The following KAT2B variants were observed in gnomAD, a reference collection of about 807,000 sequenced individuals.
KAT2B encodes lysine acetyltransferase 2B.
KAT2B carries 36 observed loss-of-function variants against 105.9 expected under a neutral mutation model. The ratio of observed to expected loss-of-function variants is 0.34; its 90% CI spans 0.26 to 0.45. The LOEUF is 0.45. Ranked by LOEUF, KAT2B falls within the 20% of genes least tolerant of loss-of-function variation. The pLI is 1.00. For synonymous variants in KAT2B, 397 were observed against 377.9 expected (o/e 1.05, Z -0.59); for missense variants, 820 against 1,021.6 (o/e 0.80, Z 2.69).
At chr3:20,058,961 T>A (rs1466034342) in intron 1 of KAT2B, among the ~76,000 whole-genome samples, 1 of 152,130 alleles carries the variant, frequency 6.6e-6, no homozygotes, top group Non-Finnish European at 1.5e-5. Flanking sequence ...TAATCTTCAT[T>A]TTGATGAGAT....
At chr3:20,141,386 T>C (rs1268151607) in intron 13 of KAT2B, among the ~76,000 whole-genome samples, 1 of 151,872 alleles carries the variant, frequency 6.6e-6, no homozygotes, top group African/African-American at 2.4e-5. Flanking sequence ...AAAACACTCA[T>C]GATGAAAAGA....
In KAT2B at chr3:20,111,706, G is replaced by GACAACTCCTGGA; in HGVS notation, c.967_978dup (p.Leu323_Gln326dup). 6.2e-7 allele frequency: 1 copy of GACAACTCCTGGA among 1,613,974 alleles called. No homozygotes were observed. Among genetic ancestry groups the GACAACTCCTGGA allele is most frequent in the Non-Finnish European group, 8.5e-7 (1 of 1,179,936 alleles). On this transcript the variant is annotated inframe_insertion, in exon 6 of 18. Coordinates refer to ENST00000263754, the MANE Select transcript of KAT2B (RefSeq NM_003884.5). The stretch of plus-strand genomic sequence containing the variant: ...CGCTCGGTCTTCACTGTTATGAGGC[G>GACAACTCCTGGA]ACAACTCCTGGAACAAGCAAGACAG...
intron 1 of KAT2B, among the ~76,000 whole-genome samples, chr3:20,043,322 T>C (rs1213878412): frequency 6.6e-6 from 1 of 152,076 alleles, no homozygotes; most frequent in African/African-American, 2.4e-5. Context: ...CCTTCAGGAG[T>C]TACTTATTGT....
chr3:20,060,383 C>T (rs543925177), intron 1 of KAT2B, among the ~76,000 whole-genome samples: 1 of 152,308 alleles, frequency 6.6e-6, no homozygotes, highest in East Asian at 1.9e-4. Flanking sequence ...GGGCGGATCA[C>T]CTGAGGTCGG....
chr3:20,044,991 C>A (rs971423161), intron 1 of KAT2B, among the ~76,000 whole-genome samples: 3 of 152,086 alleles, frequency 2.0e-5, no homozygotes, highest in African/African-American at 7.2e-5. Flanking sequence ...AGGTGTCCCA[C>A]AGATATTGAT....
rs1699904571 is a variant in KAT2B at position 20,153,681 on chromosome 3, GTGAGACATC to G, written c.*1159_*1167del. The G allele has an allele frequency of 6.6e-6, 1 of 152,542 alleles. No homozygotes were observed. The highest frequency in any genetic ancestry group is 2.4e-5 in the African/African-American group (1 of 41,442). The allele number at this position is 152,542 out of a possible 1,614,324, so 9.4% of individuals were successfully genotyped here. Reference sequence around the variant, plus strand: ...TTTCCTGATTACACTACATAGAAAAGTGAGACATCTGCCATTCCCAACTCTGGGAAAACC... The same window carrying G: ...TTTCCTGATTACACTACATAGAAAAGTGCCATTCCCAACTCTGGGAAAACC... On this transcript the variant is annotated 3_prime_UTR_variant, in exon 18 of 18. Transcript: ENST00000263754.
intron 2 of KAT2B, among the ~76,000 whole-genome samples, chr3:20,088,705 C>A (rs1344516879): frequency 6.6e-6 from 1 of 152,112 alleles, no homozygotes; most frequent in Non-Finnish European, 1.5e-5. Flanking sequence ...TCTCTTTACT[C>A]TGTTGATTGT....
chr3:20,045,191 T>G (rs1277502140), intron 1 of KAT2B, among the ~76,000 whole-genome samples: 2 of 151,704 alleles, frequency 1.3e-5, no homozygotes, highest in African/African-American at 4.8e-5. Flanking sequence ...ATTTTTGTAT[T>G]TTTTTTGGTA....
Position 20,078,280 on chromosome 3 carries a change from A to G in KAT2B, c.430+5821A>G, listed in dbSNP as rs188695320. Among the ~76,000 whole-genome samples the G allele has an allele frequency of 1.6e-3, 245 of 152,312 alleles. 1 individual carries two copies. Among genetic ancestry groups the G allele is most frequent in the African/African-American group, 4.6e-3 (191 of 41,562 alleles). ...TGATCAAAACATAATTGGAATTTCT[A>G]TTGTTATTTTGGAGTCCATTGTTCT... On this transcript the variant is annotated intron_variant, in intron 2 of 17. Coordinates refer to ENST00000263754, the MANE Select transcript of KAT2B (RefSeq NM_003884.5).
At chr3:20,114,071 CTTTTCTCTTT>C (rs1343495386) in intron 6 of KAT2B, among the ~76,000 whole-genome samples, 4 of 152,058 alleles carry the variant, frequency 2.6e-5, no homozygotes, top group Admixed American at 6.6e-5. Flanking sequence ...ATCTGTATTT[CTTTTCTCTTT>C]TTTTCTCTTT....
At chr3:20,106,981 A>ATG (rs1699020502) in intron 5 of KAT2B, among the ~76,000 whole-genome samples, 1 of 6,232 alleles carries the variant, frequency 1.6e-4, no homozygotes, top group Non-Finnish European at 2.7e-4. Flanking sequence ...ATATATATGT[A>ATG]TATATATATA....
chr3:20,124,169 A>G (rs1284227459), intron 9 of KAT2B, among the ~76,000 whole-genome samples: 2 of 152,170 alleles, frequency 1.3e-5, no homozygotes, highest in East Asian at 1.9e-4. Context: ...ATTTAGTAAC[A>G]TTACAGATTA....
intron 4 of KAT2B, 145 bp downstream of exon 4, chr3:20,100,099 T>A: frequency 1.7e-6 from 1 of 585,050 alleles, no homozygotes; most frequent in Non-Finnish European, 3.1e-6. Context: ...TCCTGGAGGC[T>A]TTGGATCAGA....
intron 14 of KAT2B, among the ~76,000 whole-genome samples, chr3:20,147,560 A>C (rs568064130): frequency 6.6e-6 from 1 of 152,312 alleles, no homozygotes; most frequent in Admixed American, 6.5e-5. Context: ...CTTGCATTAC[A>C]AGCAGGGCCT....
intron 1 of KAT2B, among the ~76,000 whole-genome samples, chr3:20,061,750 ATATAT>A (rs552220030): frequency 0.042 from 6,118 of 145,038 alleles, 168 homozygotes; most frequent in South Asian, 0.075. Flanking sequence ...ATATGAAAAA[ATATAT>A]TATACATAAA....
At chr3:20,125,550 A>G (rs1442805306) in intron 9 of KAT2B, among the ~76,000 whole-genome samples, 1 of 152,220 alleles carries the variant, frequency 6.6e-6, no homozygotes, top group Non-Finnish European at 1.5e-5. Flanking sequence ...TTTGCATTAT[A>G]GCAGAAGAAG....
chr3:20,044,972 GA>G (rs1176951599), intron 1 of KAT2B, among the ~76,000 whole-genome samples: 1 of 152,106 alleles, frequency 6.6e-6, no homozygotes, highest in African/African-American at 2.4e-5. Flanking sequence ...TGTCATATAG[GA>G]CAGTTCTAGG....
chr3:20,126,117 A>G lies in KAT2B; in HGVS notation c.1622+4A>G. ...TCACACGGCTCGTCTTTGACCCGTA[A>G]GTGGTACTTTCTGTTCCTTCTTCCT... On this transcript the variant is annotated splice_donor_region_variant and intron_variant, in intron 10 of 17. Transcript: ENST00000263754. 1 of 1,584,674 alleles carries G rather than the reference A, an allele frequency of 6.3e-7. No individual in the cohort carries two copies. The highest frequency in any genetic ancestry group is 8.6e-7 in the Non-Finnish European group (1 of 1,163,842).
intron 1 of KAT2B, among the ~76,000 whole-genome samples, chr3:20,061,533 A>G (rs1559513640): frequency 6.6e-6 from 1 of 151,916 alleles, no homozygotes; most frequent in Non-Finnish European, 1.5e-5. Context: ...TTCCATTTCT[A>G]ATATTTTGAG....
Sources: allele counts gnomAD v4.1 joint callset (sites outside exome capture counted in the v4.1 genomes callset), GRCh38; gene constraint gnomAD v4.1.1; transcripts MANE v1.5; gene names NCBI Gene and HGNC (gene_info 2026-07-23, HGNC 2026-07-21).